Variants in MARCHF4 observed in about 807,000 individuals in gnomAD.
MARCHF4 encodes the protein E3 ubiquitin-protein ligase MARCHF4.
A neutral mutation model predicts 43.9 loss-of-function variants in MARCHF4; 14 were observed. That is an observed-to-expected ratio of 0.32 (90% CI 0.21 to 0.50). The LOEUF (loss-of-function observed/expected upper bound fraction) is 0.50, where lower values mean the gene tolerates loss of function less well. MARCHF4 is among the 20% of genes least tolerant of loss of function. The pLI is 0.98. For missense variants in MARCHF4, 468 were observed against 536.7 expected, an observed-to-expected ratio of 0.87 and a Z score of 1.27; for synonymous variants, 226 against 213.3, an observed-to-expected ratio of 1.06 and a Z score of -0.52.
chr2:216,352,028 A>AT (rs1692411311), intron 1 of MARCHF4, among the ~76,000 whole-genome samples: 1 of 152,156 alleles, frequency 6.6e-6, no homozygotes, highest in Non-Finnish European at 1.5e-5. Flanking sequence ...TGCATTTCTG[A>AT]CTTTTTTTTG....
Position 216,283,584 on chromosome 2 carries a change from T to G in MARCHF4, c.662A>C (p.Asn221Thr). 1 of 1,602,796 alleles carries G rather than the reference T, an allele frequency of 6.2e-7. No homozygotes were observed. Among genetic ancestry groups the G allele is most frequent in the Non-Finnish European group, 8.5e-7 (1 of 1,170,806 alleles). The part of the protein sequence containing the change: ...KYHVIAISTK[N>T]PLQWQAISLT... ...AGCCCTGGGTTGTACCTGCAGAGGA[T>G]TTTTTGTGCTTATGGCGATGACGTG... is the stretch of plus-strand genomic sequence containing the variant. The change falls in exon 2 of 4, where the codon AAT becomes ACT. Residue 221 changes from asparagine to threonine, a missense_variant. Coordinates refer to ENST00000273067, the MANE Select transcript of MARCHF4 (RefSeq NM_020814.3).
intron 3 of MARCHF4, chr2:216,259,904 C>T (rs1690713931): frequency 1.8e-6 from 1 of 551,640 alleles, no homozygotes; most frequent in South Asian, 2.5e-5. Context: ...TCAGGCAGTG[C>T]CTTCGCCCAC....
chr2:216,264,631 TGG>T (rs1559280781), intron 3 of MARCHF4, among the ~76,000 whole-genome samples: 1 of 152,102 alleles, frequency 6.6e-6, no homozygotes, highest in African/African-American at 2.4e-5. Flanking sequence ...GTGGAAGAGA[TGG>T]GGTGTGGAGA....
chr2:216,289,241 C>CG (rs1490068039), intron 1 of MARCHF4, among the ~76,000 whole-genome samples: 1 of 139,958 alleles, frequency 7.1e-6, no homozygotes, highest in Non-Finnish European at 1.5e-5. Flanking sequence ...CCACCCGCCC[C>CG]CCACCCAAGT....
chr2:216,279,917 T>A (rs569266524), intron 2 of MARCHF4, among the ~76,000 whole-genome samples: 25 of 152,274 alleles, frequency 1.6e-4, no homozygotes, highest in Admixed American at 1.5e-3. Flanking sequence ...TGAGTTTTTG[T>A]TTCTACCATT....
intron 1 of MARCHF4, among the ~76,000 whole-genome samples, chr2:216,293,850 C>T (rs1691350691): frequency 7.9e-6 from 1 of 126,636 alleles, no homozygotes; most frequent in Non-Finnish European, 1.8e-5. Context: ...ATAAACAAAC[C>T]AAGCTATATG....
At position 216,369,948 on chromosome 2, in the gene MARCHF4, G is replaced by A; in HGVS notation, c.313C>T (p.Pro105Ser). The A allele has an allele frequency of 1.3e-6, 2 of 1,593,110 alleles. No individual in the cohort carries two copies. Among genetic ancestry groups the A allele is most frequent in the Non-Finnish European group, 1.7e-6 (2 of 1,168,600 alleles). ...GAAGGTGGCAAGGGGGGTGGAGGTGGCACAGGAGGGGGCTCCCTGCCCACC... is the reference window on the plus strand; with the variant it reads ...GAAGGTGGCAAGGGGGGTGGAGGTGACACAGGAGGGGGCTCCCTGCCCACC... Reference protein sequence around the residue: ...EVVGREPPPVPPPPPLPPSSV... With the variant: ...EVVGREPPPVSPPPPLPPSSV... Residue 105 changes from proline to serine, a missense_variant, in exon 1 of 4, where the codon CCA (proline) becomes TCA (serine). Physicochemically the swap from Pro to Ser is moderately conservative, Grantham distance 74. Around this residue, in one of 3 missense-constraint regions of MARCHF4, gnomAD observed 190 missense variants for 158.5 expected, o/e 1.20. Transcript: ENST00000273067.
At chr2:216,287,289 C>G (rs1227758762) in intron 1 of MARCHF4, among the ~76,000 whole-genome samples, 3 of 152,114 alleles carry the variant, frequency 2.0e-5, no homozygotes, top group African/African-American at 7.2e-5. Context: ...ATTGAACAGG[C>G]CCTAGGGTAT....
chr2:216,319,324 A>G (rs555676466), intron 1 of MARCHF4, among the ~76,000 whole-genome samples: 1 of 152,090 alleles, frequency 6.6e-6, no homozygotes, highest in South Asian at 2.1e-4. Context: ...AACAAAACAA[A>G]ACAAAACAAA....
At chr2:216,280,121 A>G (rs1283378934) in intron 2 of MARCHF4, among the ~76,000 whole-genome samples, 5 of 151,738 alleles carry the variant, frequency 3.3e-5, no homozygotes, top group Non-Finnish European at 7.4e-5. Context: ...TGGACAAGGC[A>G]CTCTCCTCCT....
At chr2:216,344,254 A>C (rs931464517) in intron 1 of MARCHF4, among the ~76,000 whole-genome samples, 1 of 151,704 alleles carries the variant, frequency 6.6e-6, no homozygotes, top group African/African-American at 2.4e-5. Flanking sequence ...GAAACAAACA[A>C]ACAAACAAAC....
At chr2:216,325,603 G>C (rs1225035467) in intron 1 of MARCHF4, among the ~76,000 whole-genome samples, 2 of 152,126 alleles carry the variant, frequency 1.3e-5, no homozygotes, top group African/African-American at 2.4e-5. Context: ...GCAGGGTACT[G>C]GTATATAGAT....
rs1553590535 is a variant in MARCHF4 at position 216,258,507 on chromosome 2, G to GTTGT, written c.*804_*805insACAA. 1 of 145,150 alleles carries GTTGT rather than the reference G, an allele frequency of 6.9e-6. No individual in the cohort carries two copies. Among genetic ancestry groups the GTTGT allele is most frequent in the African/African-American group, 2.6e-5 (1 of 38,814 alleles). 9.0% of individuals were successfully genotyped at this position (145,150 alleles called of 1,614,324 possible). A position where few individuals can be genotyped will look rare whatever the true frequency, so the allele number is the denominator to read the frequency against. On this transcript the variant is annotated 3_prime_UTR_variant, in exon 4 of 4. Coordinates refer to ENST00000273067, the MANE Select transcript of MARCHF4 (RefSeq NM_020814.3). ...CTGGAAATCTGTACTTTTCTCTAGG[G>GTTGT]GTGTGTGTGTGTGTGTGTGTGTGTG... is the stretch of plus-strand genomic sequence containing the variant.
intron 1 of MARCHF4, among the ~76,000 whole-genome samples, chr2:216,354,904 T>TTTCTTTCG (rs1491419283): frequency 5.1e-5 from 3 of 58,460 alleles, no homozygotes; most frequent in African/African-American, 2.6e-4. Context: ...TCTTTCTTTC[T>TTTCTTTCG]TTCTTTCTTT....
At chr2:216,364,945 T>C (rs1412554584) in intron 1 of MARCHF4, among the ~76,000 whole-genome samples, 1 of 152,252 alleles carries the variant, frequency 6.6e-6, no homozygotes, top group African/African-American at 2.4e-5. Flanking sequence ...TAGCTGGATT[T>C]ACTACTTTTA....
At chr2:216,333,059 A>G (rs1692104523) in intron 1 of MARCHF4, among the ~76,000 whole-genome samples, 1 of 152,266 alleles carries the variant, frequency 6.6e-6, no homozygotes, top group South Asian at 2.1e-4. Flanking sequence ...CTCTTCTAGA[A>G]GAAAACAAAG....
chr2:216,279,310 G>C (rs1448992675), intron 2 of MARCHF4, among the ~76,000 whole-genome samples: 1 of 152,248 alleles, frequency 6.6e-6, no homozygotes, highest in Admixed American at 6.5e-5. Context: ...GTGGAGTGGA[G>C]ACAGCAAAAG....
intron 1 of MARCHF4, among the ~76,000 whole-genome samples, chr2:216,308,408 A>G (rs181952015): frequency 6.6e-6 from 1 of 152,344 alleles, no homozygotes; most frequent in African/African-American, 2.4e-5. Flanking sequence ...TCTCTCAAAA[A>G]GAGAAAAGAA....
intron 1 of MARCHF4, among the ~76,000 whole-genome samples, chr2:216,315,612 G>C (rs1285986243): frequency 6.6e-6 from 1 of 152,154 alleles, no homozygotes; most frequent in Non-Finnish European, 1.5e-5. Context: ...ATGCCTTCAA[G>C]ATGTTGAGTA....
Sources: gnomAD v4.1 joint callset for allele counts (sites outside exome capture counted in the v4.1 genomes callset) on GRCh38, gnomAD v4.1.1 for gene constraint, gnomAD v4.1.1 regional missense constraint, MANE v1.5 for transcripts, NCBI Gene and HGNC (gene_info 2026-07-23, HGNC 2026-07-21) for gene names.